CAST: variants seen among roughly 807,000 people sequenced by gnomAD.
CAST encodes the protein calpastatin.
CAST carries 76 observed loss-of-function variants against 119.6 expected under a neutral mutation model. That is an observed-to-expected ratio of 0.64 (90% CI 0.53 to 0.77). The LOEUF (loss-of-function observed/expected upper bound fraction) is 0.77. Ranked by LOEUF, CAST falls within the 30% of genes least tolerant of loss-of-function variation. CAST has a pLI of 0.00. For synonymous variants in CAST, 319 were observed against 331.6 expected (o/e 0.96, Z 0.41); for missense variants, 953 against 946.5 (o/e 1.01, Z -0.09).
At chr5:96,051,379 T>C in the CAST span, among the ~76,000 whole-genome samples, 1 of 152,176 alleles carries the variant, frequency 6.6e-6, no homozygotes, top group Non-Finnish European at 1.5e-5. Flanking sequence ...AGGAATAAAG[T>C]ATTGAAGTCA....
intron 1 of CAST, among the ~76,000 whole-genome samples, chr5:96,559,759 C>T (rs139714639): frequency 0.041 from 6,235 of 152,198 alleles, 210 homozygotes; most frequent in African/African-American, 0.089. Flanking sequence ...GAATCAGTAT[C>T]GTGAGAATGG....
the CAST span, among the ~76,000 whole-genome samples, chr5:96,437,057 A>T: frequency 7.2e-5 from 11 of 152,294 alleles, no homozygotes; most frequent in African/African-American, 2.6e-4. Flanking sequence ...CAAGCTACTC[A>T]CCTGGCCTTC....
At chr5:96,497,305 G>A in the CAST span, among the ~76,000 whole-genome samples, 1 of 152,056 alleles carries the variant, frequency 6.6e-6, no homozygotes. Flanking sequence ...ATTGTGAATA[G>A]TGCCGCAATA....
chr5:96,107,512 G>A, the CAST span, among the ~76,000 whole-genome samples: 1 of 151,930 alleles, frequency 6.6e-6, no homozygotes, highest in Admixed American at 6.6e-5. Context: ...TGAAATTCTG[G>A]GTTGAAAATT....
intron 1 of CAST, among the ~76,000 whole-genome samples, chr5:96,596,273 G>A (rs1747050196): frequency 1.3e-5 from 2 of 152,182 alleles, no homozygotes; most frequent in South Asian, 2.1e-4. Flanking sequence ...GGAGAAGACT[G>A]ACTCCTGAAG....
chr5:96,454,340 T>C, the CAST span, among the ~76,000 whole-genome samples: 1 of 152,220 alleles, frequency 6.6e-6, no homozygotes, highest in Admixed American at 6.5e-5. Flanking sequence ...CCTAAGCCTA[T>C]ATTTGAACCT....
At chr5:96,324,623 G>A in the CAST span, among the ~76,000 whole-genome samples, 1 of 152,134 alleles carries the variant, frequency 6.6e-6, no homozygotes, top group East Asian at 1.9e-4. Flanking sequence ...ACATTAATAT[G>A]AATGTATTTT....
At position 96,627,815 on chromosome 5, in the gene CAST, C is replaced by T. The variant is rs181557506; in HGVS notation, c.61-47724C>T. Among the ~76,000 whole-genome samples, 309 of 152,344 alleles carry T rather than the reference C, an allele frequency of 2.0e-3. 3 individuals carry two copies. Among genetic ancestry groups the T allele is most frequent in the Non-Finnish European group, 3.7e-3 (251 of 68,030 alleles). Reference sequence around the variant, plus strand: ...CTACTGGAAGGCATTAGAAAATTTTCAAGTCCTATCCCTTAGAAGCCCAGA... The same window carrying T: ...CTACTGGAAGGCATTAGAAAATTTTTAAGTCCTATCCCTTAGAAGCCCAGA... On this transcript the variant is annotated intron_variant, in intron 1 of 11. Transcript: ENST00000505143.
chr5:96,658,770 C>T (rs1055659529), upstream of CAST, among the ~76,000 whole-genome samples: 9 of 152,130 alleles, frequency 5.9e-5, no homozygotes, highest in African/African-American at 2.2e-4. Context: ...CTTTATCATC[C>T]ACAGGTAACA....
At chr5:96,236,831 G>T in the CAST span, among the ~76,000 whole-genome samples, 1 of 152,126 alleles carries the variant, frequency 6.6e-6, no homozygotes, top group African/African-American at 2.4e-5. Flanking sequence ...CTGGACCTGG[G>T]TTCTTCTTTG....
chr5:96,155,645 C>T, the CAST span, among the ~76,000 whole-genome samples: 1 of 152,288 alleles, frequency 6.6e-6, no homozygotes, highest in Non-Finnish European at 1.5e-5. Context: ...TACGTTCTCA[C>T]CTTCCTCTGA....
chr5:96,167,516 G>A, the CAST span, among the ~76,000 whole-genome samples: 1 of 152,204 alleles, frequency 6.6e-6, no homozygotes, highest in African/African-American at 2.4e-5. Context: ...TCTGAGAAGG[G>A]CAAGTGGTAA....
At chr5:96,748,848 T>G (rs912830544) in intron 19 of CAST, 3 of 376,162 alleles carry the variant, frequency 8.0e-6, no homozygotes, top group African/African-American at 2.1e-5. Flanking sequence ...ACCCATGCCT[T>G]CCTTCTTATC....
chr5:96,648,910 C>T (rs1485936869), intron 1 of CAST, among the ~76,000 whole-genome samples: 1 of 151,740 alleles, frequency 6.6e-6, no homozygotes, highest in Non-Finnish European at 1.5e-5. Context: ...ATCTTGCTCA[C>T]AGATCTACCC....
chr5:96,222,697 T>A, the CAST span, among the ~76,000 whole-genome samples: 1 of 151,856 alleles, frequency 6.6e-6, no homozygotes, highest in Non-Finnish European at 1.5e-5. Context: ...TGAAAAAAAA[T>A]ACAGAGATTT....
At chr5:96,398,987 A>T in the CAST span, 1 of 1,612,748 alleles carries the variant, frequency 6.2e-7, no homozygotes, top group African/African-American at 1.3e-5. Context: ...TGTCCTTCAC[A>T]AGCTCTTGTT....
chr5:96,661,168 C>T (rs1748378240), upstream of CAST, among the ~76,000 whole-genome samples: 1 of 149,528 alleles, frequency 6.7e-6, no homozygotes, highest in African/African-American at 2.5e-5. Flanking sequence ...AATCCTAGCA[C>T]TTTGGGAGGC....
chr5:96,271,220 A>G, the CAST span, among the ~76,000 whole-genome samples: 6 of 152,190 alleles, frequency 3.9e-5, no homozygotes, highest in Non-Finnish European at 8.8e-5. Context: ...AGCAACATAC[A>G]GATTCAATGT....
At chr5:96,390,610 T>C in the CAST span, 2 of 152,670 alleles carry the variant, frequency 1.3e-5, no homozygotes, top group African/African-American at 4.8e-5. Flanking sequence ...GAAACTTTCT[T>C]ATTCTCAGGA....
Sources: gnomAD v4.1 joint callset for allele counts (sites outside exome capture counted in the v4.1 genomes callset) on GRCh38, gnomAD v4.1.1 for gene constraint, MANE v1.5 for transcripts, NCBI Gene and HGNC (gene_info 2026-07-23, HGNC 2026-07-21) for gene names.